PGBD2: variants seen among roughly 807,000 people sequenced by gnomAD.
PGBD2 encodes the protein piggyBac transposable element-derived protein 2.
In PGBD2, 6 loss-of-function variants were observed where a neutral mutation model predicts 8.1. The ratio of observed to expected loss-of-function variants is 0.74; its 90% CI spans 0.40 to 1.46. The LOEUF (loss-of-function observed/expected upper bound fraction) is 1.46. PGBD2 is among the 40% of genes most tolerant of loss of function. PGBD2 has a pLI of 0.02. For synonymous variants in PGBD2, 318 were observed against 272.2 expected, an observed-to-expected ratio of 1.17 and a Z score of -1.66; for missense variants, 802 against 739.0, an observed-to-expected ratio of 1.09 and a Z score of -0.99.
chr1:248,919,902 A>G (rs1276208394), downstream of PGBD2: 3 of 154,668 alleles, frequency 1.9e-5, no homozygotes, highest in East Asian at 5.8e-4. Context: ...TTTGAGATGG[A>G]GTTGCCTTGT....
rs1012261092 is a variant in PGBD2, at chr1:248,918,566, C to CATTTAT, written c.*214_*219dup. On this transcript the variant is annotated 3_prime_UTR_variant, in exon 3 of 3. Coordinates refer to ENST00000329291, the MANE Select transcript of PGBD2 (RefSeq NM_170725.3). The stretch of plus-strand genomic sequence containing the variant: ...TGTGATATAAATTAATATTTATATT[C>CATTTAT]ATTTATATTTATATTTTTGAACTTA... The CATTTAT allele has an allele frequency of 3.4e-6, 1 of 297,538 alleles. No individual in the cohort carries two copies. Among genetic ancestry groups the CATTTAT allele is most frequent in the African/African-American group, 2.2e-5 (1 of 45,628 alleles). 18.4% of individuals were successfully genotyped at this position (297,538 alleles called of 1,614,324 possible).
At chr1:248,904,925 T>C (rs1208648413), upstream of PGBD2, among the ~76,000 whole-genome samples, 2 of 152,240 alleles carry the variant, frequency 1.3e-5, no homozygotes, top group Admixed American at 6.5e-5. Flanking sequence ...GTTTTTCTCT[T>C]GTGCCTTTTC....
At chr1:248,874,972 A>G in the PGBD2 span, among the ~76,000 whole-genome samples, 2 of 152,256 alleles carry the variant, frequency 1.3e-5, no homozygotes, top group South Asian at 4.1e-4. Context: ...ATAGATAGAG[A>G]TAGGTATACC....
chr1:248,879,785 G>A, the PGBD2 span, among the ~76,000 whole-genome samples: 16 of 151,984 alleles, frequency 1.1e-4, no homozygotes, highest in Non-Finnish European at 1.9e-4. Context: ...AGTAAGATTC[G>A]GACCATATGT....
Position 248,917,875 on chromosome 1 carries a change from G to A in PGBD2, c.1291G>A (p.Val431Met). The A allele has an allele frequency of 6.2e-7, 1 of 1,614,254 alleles. No homozygotes were observed. The highest frequency in any genetic ancestry group is 8.5e-7 in the Non-Finnish European group (1 of 1,180,044). ...ICSNAVGIEP[V>M]RLTSRHSGAA... ...CTCCAATGCTGTGGGCATAGAGCCA[G>A]TGAGGCTGACCAGTCGTCACTCTGG... Residue 431 changes from valine (V) to methionine (M), a missense_variant, in exon 3 of 3, where the codon GTG becomes ATG. Coordinates refer to ENST00000329291, the MANE Select transcript of PGBD2 (RefSeq NM_170725.3).
chr1:248,913,571 C>G (rs1337401957), intron 1 of PGBD2, among the ~76,000 whole-genome samples: 1 of 152,140 alleles, frequency 6.6e-6, no homozygotes, highest in African/African-American at 2.4e-5. Flanking sequence ...CAGTGGAAAG[C>G]CCCGCCACCC....
the PGBD2 span, among the ~76,000 whole-genome samples, chr1:248,885,693 C>T: frequency 6.6e-6 from 1 of 152,186 alleles, no homozygotes; most frequent in Non-Finnish European, 1.5e-5. Flanking sequence ...CCCCCACACT[C>T]ATCCTGTTCT....
chr1:248,918,234 T>A lies in PGBD2; in HGVS notation c.1650T>A (p.Ile550=). The A allele has an allele frequency of 6.2e-7, 1 of 1,614,140 alleles. No individual in the cohort carries two copies. The highest frequency in any genetic ancestry group is 8.5e-7 in the Non-Finnish European group (1 of 1,179,994). The change falls in exon 3 of 3, where the codon ATT becomes ATA. Residue 550 remains isoleucine (I), a synonymous_variant. Coordinates refer to ENST00000329291, the MANE Select transcript of PGBD2 (RefSeq NM_170725.3). ...AGACTGAGAGCCGCTTCGATATGAT[T>A]GGGCACTGGATTATCCATCAGGACA... ...RLETESRFDM[I]GHWIIHQDKR... is the part of the protein sequence containing the mutation.
intron 2 of PGBD2, among the ~76,000 whole-genome samples, chr1:248,915,786 TGAATTTGGGTAGTGA>T (rs1469074044): frequency 6.6e-6 from 1 of 152,206 alleles, no homozygotes; most frequent in African/African-American, 2.4e-5. Context: ...GCTCAGTTCT[TGAATTTGGGTAGTGA>T]GAGTTCAAGT....
chr1:248,894,241 T>G, the PGBD2 span, among the ~76,000 whole-genome samples: 2 of 152,196 alleles, frequency 1.3e-5, no homozygotes. Context: ...TGCTGAAACT[T>G]TTTAGTTTGA....
At chr1:248,879,921 G>A in the PGBD2 span, among the ~76,000 whole-genome samples, 1 of 152,026 alleles carries the variant, frequency 6.6e-6, no homozygotes, top group Non-Finnish European at 1.5e-5. Flanking sequence ...CTGATACTGA[G>A]TGTCCAAATG....
chr1:248,913,972 T>A, intron 2 of PGBD2, 93 bp downstream of exon 2: 1 of 1,059,038 alleles, frequency 9.4e-7, no homozygotes, highest in Non-Finnish European at 1.5e-6. Flanking sequence ...GCTCTTGGCC[T>A]CAGTATAACA....
At chr1:248,903,641 T>G (rs1201304392), upstream of PGBD2, among the ~76,000 whole-genome samples, 1 of 152,216 alleles carries the variant, frequency 6.6e-6, no homozygotes, top group African/African-American at 2.4e-5. Flanking sequence ...CTGGACCCAT[T>G]AATCATGGGC....
the PGBD2 span, among the ~76,000 whole-genome samples, chr1:248,889,047 CTATGACT>C: frequency 0.034 from 5,224 of 152,072 alleles, 290 homozygotes; most frequent in African/African-American, 0.12. Flanking sequence ...TTACTTTTGA[CTATGACT>C]TATAATAGCA....
intron 1 of PGBD2, among the ~76,000 whole-genome samples, chr1:248,913,496 G>A (rs1661983847): frequency 6.6e-6 from 1 of 152,134 alleles, no homozygotes; most frequent in Non-Finnish European, 1.5e-5. Flanking sequence ...TATGGATCGT[G>A]CAGCGGGATG....
At chr1:248,908,894 C>T (rs1661762249) in intron 1 of PGBD2, among the ~76,000 whole-genome samples, 1 of 152,090 alleles carries the variant, frequency 6.6e-6, no homozygotes, top group Non-Finnish European at 1.5e-5. Context: ...TTCTGCAGCT[C>T]TCCATCATTT....
chr1:248,930,059 TG>T, the PGBD2 span, among the ~76,000 whole-genome samples: 2 of 152,214 alleles, frequency 1.3e-5, no homozygotes, highest in Non-Finnish European at 2.9e-5. Flanking sequence ...GCTCCCTGTG[TG>T]CTGAGGAGGG....
the PGBD2 span, among the ~76,000 whole-genome samples, chr1:248,895,037 T>C: frequency 2.6e-5 from 4 of 152,126 alleles, no homozygotes; most frequent in Non-Finnish European, 5.9e-5. Context: ...ACTTCTAGTC[T>C]CAAGCTATCC....
At chr1:248,895,223 G>C in the PGBD2 span, among the ~76,000 whole-genome samples, 1 of 152,192 alleles carries the variant, frequency 6.6e-6, no homozygotes, top group Non-Finnish European at 1.5e-5. Flanking sequence ...AAAGAAGCCA[G>C]AGGAGTGTGA....
Sources: gnomAD v4.1 joint callset for allele counts (sites outside exome capture counted in the v4.1 genomes callset) on GRCh38, gnomAD v4.1.1 for gene constraint, MANE v1.5 for transcripts, NCBI Gene and HGNC (gene_info 2026-07-23, HGNC 2026-07-21) for gene names.